CLYBL: variants seen among roughly 807,000 people sequenced by gnomAD.
The protein encoded by CLYBL is citramalyl-CoA lyase, mitochondrial.
Under a neutral mutation model 38.9 loss-of-function variants are expected in CLYBL, and 31 were observed. That is an observed-to-expected ratio of 0.80 (90% CI 0.60 to 1.08). CLYBL has a LOEUF of 1.08. Ranked by LOEUF, CLYBL falls within the 50% of genes least tolerant of loss-of-function variation. CLYBL has a pLI of 0.00. For synonymous variants in CLYBL, 171 were observed against 158.6 expected (o/e 1.08, Z -0.59); for missense variants, 434 against 411.6 (o/e 1.05, Z -0.47).
At chr13:99,646,449 T>A (rs2047177144) in intron 1 of CLYBL, among the ~76,000 whole-genome samples, 1 of 151,758 alleles carries the variant, frequency 6.6e-6, no homozygotes, top group South Asian at 2.1e-4. Context: ...GCATTTACAA[T>A]GATTTATAAT....
chr13:99,907,129 C>T (rs76315762), intron 9 of CLYBL, among the ~76,000 whole-genome samples: 12,228 of 152,240 alleles, frequency 0.08, 555 homozygotes, highest in South Asian at 0.17. Flanking sequence ...TAAGAAAGTG[C>T]TTTTCCTATA....
chr13:99,673,056 C>G (rs952403920), intron 1 of CLYBL, among the ~76,000 whole-genome samples: 1 of 152,084 alleles, frequency 6.6e-6, no homozygotes, highest in Non-Finnish European at 1.5e-5. Flanking sequence ...ATGGTAACAA[C>G]AGAGATAAAT....
chr13:99,678,693 T>G (rs1167755821), intron 1 of CLYBL, among the ~76,000 whole-genome samples: 1 of 152,238 alleles, frequency 6.6e-6, no homozygotes, highest in Non-Finnish European at 1.5e-5. Flanking sequence ...CAGGAAAGTA[T>G]TATTATCTTT....
chr13:99,692,300 G>GTTT (rs1566611548), intron 1 of CLYBL, among the ~76,000 whole-genome samples: 260 of 127,546 alleles, frequency 2.0e-3, no homozygotes, highest in South Asian at 6.6e-3. Flanking sequence ...TTTTTTTTTT[G>GTTT]TTTGTTTTTT....
downstream of CLYBL, among the ~76,000 whole-genome samples, chr13:99,898,522 G>C (rs1435809669): frequency 6.6e-6 from 1 of 152,170 alleles, no homozygotes; most frequent in African/African-American, 2.4e-5. Flanking sequence ...CCAGGGCCTG[G>C]AATTCGTGCG....
At chr13:99,850,327 G>C (rs1464539377) in intron 2 of CLYBL, among the ~76,000 whole-genome samples, 1 of 152,080 alleles carries the variant, frequency 6.6e-6, no homozygotes, top group African/African-American at 2.4e-5. Flanking sequence ...AGACAAACAG[G>C]CCTGTTTAAA....
intron 1 of CLYBL, among the ~76,000 whole-genome samples, chr13:99,712,068 C>T (rs1373825110): frequency 6.6e-6 from 1 of 152,154 alleles, no homozygotes; most frequent in African/African-American, 2.4e-5. Flanking sequence ...AATCACCAAC[C>T]AAAGGCCTCA....
intron 2 of CLYBL, among the ~76,000 whole-genome samples, chr13:99,825,607 A>T (rs1024054425): frequency 6.6e-6 from 1 of 152,112 alleles, no homozygotes; most frequent in South Asian, 2.1e-4. Flanking sequence ...CTTCTCTGGG[A>T]TGAGAACGCC....
At chr13:99,664,014 C>T (rs66731839) in intron 1 of CLYBL, among the ~76,000 whole-genome samples, 45,051 of 152,044 alleles carry the variant, frequency 0.3, 8,007 homozygotes, top group Middle Eastern at 0.43. Context: ...AGTTCTTTCT[C>T]TCTTTTTGTG....
chr13:99,654,102 T>G (rs888462061), intron 1 of CLYBL, among the ~76,000 whole-genome samples: 2 of 152,082 alleles, frequency 1.3e-5, no homozygotes, highest in East Asian at 3.9e-4. Context: ...CCACGTGGGG[T>G]AGGGGGACAC....
chr13:99,625,327 C>G (rs1678319367), intron 1 of CLYBL, among the ~76,000 whole-genome samples: 1 of 152,184 alleles, frequency 6.6e-6, no homozygotes, highest in Non-Finnish European at 1.5e-5. Flanking sequence ...AGCAACTCGC[C>G]AGTGATCAGC....
chr13:99,703,648 A>G (rs527641829), intron 1 of CLYBL, among the ~76,000 whole-genome samples: 32 of 152,290 alleles, frequency 2.1e-4, no homozygotes, highest in African/African-American at 7.2e-4. Context: ...GATTACACAT[A>G]TGAGCCACTG....
intron 1 of CLYBL, among the ~76,000 whole-genome samples, chr13:99,647,638 A>G (rs1019299604): frequency 6.6e-6 from 1 of 152,188 alleles, no homozygotes; most frequent in South Asian, 2.1e-4. Flanking sequence ...ACAGCCGTCA[A>G]TTTTTCCACT....
intron 2 of CLYBL, among the ~76,000 whole-genome samples, chr13:99,780,842 T>C (rs891292666): frequency 2.8e-4 from 42 of 151,138 alleles, no homozygotes; most frequent in Non-Finnish European, 5.6e-4. Flanking sequence ...GCCTCCCAAG[T>C]AGCTGGGAAT....
At chr13:99,652,978 G>A (rs754369657) in intron 1 of CLYBL, among the ~76,000 whole-genome samples, 10 of 152,166 alleles carry the variant, frequency 6.6e-5, no homozygotes, top group Non-Finnish European at 7.3e-5. Context: ...AGCTGGTGGC[G>A]GTAAATAACA....
At chr13:99,871,156 C>T in intron 7 of CLYBL, 94 bp downstream of exon 7, 1 of 1,386,636 alleles carries the variant, frequency 7.2e-7, no homozygotes, top group Non-Finnish European at 1.0e-6. Context: ...TTTAAGAAAA[C>T]TCATCGTATC....
chr13:99,651,399 A>G (rs1326508452), intron 1 of CLYBL, among the ~76,000 whole-genome samples: 1 of 151,954 alleles, frequency 6.6e-6, no homozygotes, highest in African/African-American at 2.4e-5. Flanking sequence ...GCTAAACCCC[A>G]TCTCTGCTAA....
intron 1 of CLYBL, among the ~76,000 whole-genome samples, chr13:99,637,068 C>T (rs1163292118): frequency 5.3e-5 from 8 of 152,094 alleles, no homozygotes; most frequent in Admixed American, 2.6e-4. Flanking sequence ...TTAGTAGAGA[C>T]GGGATTTCGC....
chr13:99,792,762 C>G lies in CLYBL; in HGVS notation c.249+19752C>G, dbSNP rs530990685. Among the ~76,000 whole-genome samples the G allele has an allele frequency of 5.9e-5, 9 of 152,208 alleles. No homozygotes were observed. In the South Asian group the frequency reaches 1.9e-3, roughly 32 times the overall value. ...CCTTCCTAAGTGCCTCTTCCCCAAA[C>G]AGAAATTCCTGCAAGGCCTCCTGTA... On this transcript the variant is annotated intron_variant, in intron 2 of 8. Coordinates refer to ENST00000339105, the MANE Select transcript of CLYBL (RefSeq NM_206808.5).
Sources: allele counts gnomAD v4.1 joint callset (sites outside exome capture counted in the v4.1 genomes callset), GRCh38; gene constraint gnomAD v4.1.1; transcripts MANE v1.5; gene names NCBI Gene and HGNC (gene_info 2026-07-23, HGNC 2026-07-21).